Variants in GPX3 observed in about 807,000 individuals in gnomAD.
GPX3 encodes GPx-3.
In GPX3, 22 loss-of-function variants were observed where a neutral mutation model predicts 25.1. The ratio of observed to expected loss-of-function variants is 0.88; its 90% CI spans 0.63 to 1.25. The LOEUF is 1.25. Among genes scored for constraint, GPX3 ranks in the 50% most tolerant of loss-of-function variants. The pLI is 0.00. For missense variants in GPX3, 278 were observed against 286.6 expected, an observed-to-expected ratio of 0.97 and a Z score of 0.22; for synonymous variants, 110 against 114.5, an observed-to-expected ratio of 0.96 and a Z score of 0.25.
chr5:151,026,789 C>A, intron 2 of GPX3, 111 bp from the exon 3 acceptor site: 1 of 743,008 alleles, frequency 1.3e-6, no homozygotes, highest in South Asian at 1.7e-5. Flanking sequence ...CCCTCCCTTT[C>A]TCGGGCCTCA....
chr5:151,028,082 C>T lies in GPX3; in HGVS notation c.633C>T (p.Ile211=), dbSNP rs1003872944. 1.2e-6 allele frequency: 2 copies of T among 1,608,654 alleles called. No homozygotes were observed. Among genetic ancestry groups the T allele is most frequent in the Non-Finnish European group, 1.7e-6 (2 of 1,177,340 alleles). ...RTTVSNVKMD[I]LSYMRRQAAL... ...CGGTCAGCAACGTCAAGATGGACAT[C>T]CTGTCCTACATGAGGCGGCAGGCAG... The change falls in exon 5 of 5, where the codon ATC becomes ATT. Residue 211 remains isoleucine, a synonymous_variant. Transcript: ENST00000388825.
intron 1 of GPX3, among the ~76,000 whole-genome samples, chr5:151,022,588 C>T (rs1037753466): frequency 6.6e-6 from 1 of 152,106 alleles, no homozygotes; most frequent in Admixed American, 6.5e-5. Context: ...ATGGAATGGA[C>T]GAAAGGTGAC....
At chr5:151,027,401 T>C in intron 3 of GPX3, 31 bp from the exon 4 acceptor site, 1 of 1,473,458 alleles carries the variant, frequency 6.8e-7, no homozygotes, top group East Asian at 2.3e-5. Context: ...GCCCACCTCC[T>C]TGGGACCCAC....
intron 1 of GPX3, chr5:151,021,458 C>A (rs1244274733): frequency 6.6e-6 from 1 of 152,278 alleles, no homozygotes; most frequent in Non-Finnish European, 1.5e-5. Flanking sequence ...AGAGGGGATG[C>A]TTGGAGAAGC....
chr5:151,024,000 T>C (rs963841790), intron 1 of GPX3, among the ~76,000 whole-genome samples: 1 of 152,166 alleles, frequency 6.6e-6, no homozygotes, highest in Non-Finnish European at 1.5e-5. Flanking sequence ...CCAGCATATA[T>C]CACTCCCTTC....
Position 151,028,245 on chromosome 5 carries a change from G to A in GPX3, c.*115G>A. 1 of 929,450 alleles carries A rather than the reference G, an allele frequency of 1.1e-6. No individual in the cohort carries two copies. The highest frequency in any genetic ancestry group is 1.7e-6 in the Non-Finnish European group (1 of 600,156). 57.6% of individuals were successfully genotyped at this position (929,450 alleles called of 1,614,324 possible). A position where few individuals can be genotyped will look rare whatever the true frequency, so the allele number is the denominator to read the frequency against. ...CACAGACCCCTTTCCTATCACTCAA[G>A]GCCCCAGCCTGGCACAAATGGATGC... On this transcript the variant is annotated 3_prime_UTR_variant, in exon 5 of 5. Transcript: ENST00000388825.
At chr5:151,025,604 A>G (rs918662162) in intron 2 of GPX3, 111 bp downstream of exon 2, 7 of 945,450 alleles carry the variant, frequency 7.4e-6, no homozygotes, top group African/African-American at 1.7e-5. Flanking sequence ...CGAGAGTCCA[A>G]GCCCCTTTTC....
chr5:151,025,176 T>C (rs1319422596), intron 1 of GPX3, among the ~76,000 whole-genome samples, 164 bp from the exon 2 acceptor site: 1 of 152,142 alleles, frequency 6.6e-6, no homozygotes, highest in Non-Finnish European at 1.5e-5. Context: ...ATAATCATTA[T>C]CTTAAACAAG....
intron 1 of GPX3, 59 bp from the exon 2 acceptor site, chr5:151,025,281 A>C: frequency 7.3e-7 from 1 of 1,377,034 alleles, no homozygotes; most frequent in South Asian, 1.5e-5. Flanking sequence ...TCTTTTGAAA[A>C]CGGAGATGTC....
At chr5:151,027,847 T>TG in intron 4 of GPX3, 62 bp from the exon 5 acceptor site, 1 of 1,386,480 alleles carries the variant, frequency 7.2e-7, no homozygotes, top group Non-Finnish European at 1.0e-6. Context: ...CAGGAAGGCC[T>TG]GGGAAGGAAG....
At chr5:151,024,435 G>A (rs8177431) in intron 1 of GPX3, among the ~76,000 whole-genome samples, 79,596 of 152,050 alleles carry the variant, frequency 0.52, 22,583 homozygotes, top group Non-Finnish European at 0.64. Flanking sequence ...GACCTGGTTG[G>A]AGAGTTGGTT....
At chr5:151,027,672 C>G (rs893317104) in intron 4 of GPX3, 141 bp downstream of exon 4, 1 of 674,362 alleles carries the variant, frequency 1.5e-6, no homozygotes, top group Non-Finnish European at 2.6e-6. Context: ...AACTAGAGGG[C>G]TCTGCAGACC....
chr5:151,027,535 A>C lies in GPX3; in HGVS notation c.459+4A>C, dbSNP rs576911208. 1 of 1,582,360 alleles carries C rather than the reference A, an allele frequency of 6.3e-7. No individual in the cohort carries two copies. Among genetic ancestry groups the C allele is most frequent in the African/African-American group, 1.3e-5 (1 of 74,346 alleles). On this transcript the variant is annotated splice_donor_region_variant and intron_variant, in intron 4 of 4. Transcript: ENST00000388825. Reference sequence around the variant, plus strand: ...GAAATTCTACACTTTCCTAAAGGTAAGTGAGCTGCCACCTGTGCTGGCTGG... The same window carrying C: ...GAAATTCTACACTTTCCTAAAGGTACGTGAGCTGCCACCTGTGCTGGCTGG...
chr5:151,025,228 T>C lies in GPX3; in HGVS notation c.88-112T>C, dbSNP rs554658683. 225 of 827,538 alleles carry C rather than the reference T, an allele frequency of 2.7e-4. 3 individuals are homozygous for C. The African/African-American group carries it at 3.7e-3, about 14-fold the overall frequency. 51.3% of individuals were successfully genotyped at this position (827,538 alleles called of 1,614,324 possible). ...GTGCTAGTCCAGTTCCAATTCTCGG[T>C]GATTACTTTGAGAAAGTCACTCTCT... On this transcript the variant is annotated intron_variant, in intron 1 of 4. Coordinates refer to ENST00000388825, the MANE Select transcript of GPX3 (RefSeq NM_002084.5).
chr5:151,023,140 C>T (rs1320716094), intron 1 of GPX3, among the ~76,000 whole-genome samples: 1 of 152,178 alleles, frequency 6.6e-6, no homozygotes, highest in Non-Finnish European at 1.5e-5. Context: ...GATTCAGGCA[C>T]CCTCATGGCC....
chr5:151,022,799 A>G (rs1414749388), intron 1 of GPX3, among the ~76,000 whole-genome samples: 1 of 152,182 alleles, frequency 6.6e-6, no homozygotes, highest in Non-Finnish European at 1.5e-5. Context: ...GCTGGTTTCT[A>G]GGTGACTAAA....
At chr5:151,027,051 T>C (rs1232044835) in intron 3 of GPX3, 34 bp downstream of exon 3, 7 of 1,392,774 alleles carry the variant, frequency 5.0e-6, no homozygotes, top group Non-Finnish European at 7.1e-6. Flanking sequence ...AGAAAGCTCC[T>C]CTCACATGGC....
intron 3 of GPX3, 100 bp from the exon 4 acceptor site, chr5:151,027,332 T>C: frequency 2.6e-6 from 2 of 778,966 alleles, no homozygotes; most frequent in Non-Finnish European, 4.4e-6. Context: ...GCAGAATAAA[T>C]CCAGACTCCC....
At chr5:151,025,080 T>C (rs1349238324) in intron 1 of GPX3, among the ~76,000 whole-genome samples, 1 of 152,214 alleles carries the variant, frequency 6.6e-6, no homozygotes, top group Admixed American at 6.5e-5. Flanking sequence ...TTAATATTAA[T>C]AAGTGCTTAT....
Sources: allele counts gnomAD v4.1 joint callset (sites outside exome capture counted in the v4.1 genomes callset), GRCh38; gene constraint gnomAD v4.1.1; transcripts MANE v1.5; gene names NCBI Gene and HGNC (gene_info 2026-07-23, HGNC 2026-07-21).